SDS: variants seen among roughly 807,000 people sequenced by gnomAD.
SDS encodes L-serine dehydratase/L-threonine deaminase.
SDS carries 19 observed loss-of-function variants against 29.3 expected under a neutral mutation model. The observed-to-expected ratio is 0.65, with a 90% CI of 0.45 to 0.95. The LOEUF (loss-of-function observed/expected upper bound fraction) is 0.95. Among genes scored for constraint, SDS ranks in the 40% least tolerant of loss-of-function variants. The pLI is 0.00. For synonymous variants in SDS, 176 were observed against 189.0 expected (o/e 0.93, Z 0.56); for missense variants, 375 against 439.9 (o/e 0.85, Z 1.32).
chr12:113,402,756 C>G (rs1328892531), intron 1 of SDS, among the ~76,000 whole-genome samples: 1 of 152,178 alleles, frequency 6.6e-6, no homozygotes, highest in Non-Finnish European at 1.5e-5. Flanking sequence ...GGTAAAAGGA[C>G]AGGGCTCCCT....
rs776756863 is a variant in SDS at position 113,393,118 on chromosome 12, G to T, written c.810C>A (p.Cys270Ter). The T allele has an allele frequency of 1.2e-6, 2 of 1,613,866 alleles. No individual in the cohort carries two copies. The highest frequency in any genetic ancestry group is 1.7e-6 in the Non-Finnish European group (2 of 1,180,020). ...DDEKILVEPA[C>*]GAALAAVYSH... ...TATAGACAGCGGCCAGGGCTGCCCC[G>T]CAGGCGGGCTCCACCAGGATCTTCT... Residue 270 changes from cysteine (C) to a stop codon, truncating the protein, a stop_gained, in exon 8 of 8, where the codon TGC becomes TGA. Transcript: ENST00000257549. LOFTEE classifies it high-confidence loss of function.
rs1957619501 is a variant in SDS, at chr12:113,392,887, C to A, written c.*54G>T. On this transcript the variant is annotated 3_prime_UTR_variant, in exon 8 of 8. Coordinates refer to ENST00000257549, the MANE Select transcript of SDS (RefSeq NM_006843.3). ...GACGAGGCGCTGGATAAAACTCCAG[C>A]CCCTCCAGGGGTCTCTTGGGCTAGG... 5 of 1,535,704 alleles carry A rather than the reference C, an allele frequency of 3.3e-6. No homozygotes were observed. The highest frequency in any genetic ancestry group is 1.4e-5 in the African/African-American group (1 of 72,714).
At chr12:113,399,481 A>G (rs978738023) in intron 2 of SDS, 75 bp downstream of exon 2, 7 of 1,427,190 alleles carry the variant, frequency 4.9e-6, no homozygotes, top group Middle Eastern at 2.5e-4. Flanking sequence ...TTAATTTCAC[A>G]CAGCACTGGC....
chr12:113,399,331 G>T (rs1016068630), intron 2 of SDS, 180 bp from the exon 3 acceptor site: 1 of 858,520 alleles, frequency 1.2e-6, no homozygotes, highest in Non-Finnish European at 1.8e-6. Context: ...CTCAGGAAAG[G>T]GTGGAGGAAA....
At position 113,398,620 on chromosome 12, in the gene SDS, G is replaced by A; in HGVS notation, c.334-14C>T. On this transcript the variant is annotated splice_polypyrimidine_tract_variant and intron_variant, in intron 4 of 7. Coordinates refer to ENST00000257549, the MANE Select transcript of SDS (RefSeq NM_006843.3). ...TTCATCCAATAACTGCAAAGCCACA[G>A]GGGAGATAGGAGGGGGTGAGGCACA... 10 of 1,598,704 alleles carry A rather than the reference G, an allele frequency of 6.3e-6. No homozygotes were observed. The highest frequency in any genetic ancestry group is 7.7e-6 in the Non-Finnish European group (9 of 1,170,482).
Position 113,393,105 on chromosome 12 carries a change from C to T in SDS, c.823G>A (p.Ala275Thr), listed in dbSNP as rs755835830. ...TGGATCACGTGGCTATAGACAGCGG[C>T]CAGGGCTGCCCCGCAGGCGGGCTCC... ...LVEPACGAAL[A>T]AVYSHVIQKL... The change falls in exon 8 of 8, where the codon GCC (alanine) becomes ACC (threonine). Residue 275 changes from alanine (A) to threonine (T), a missense_variant. Transcript: ENST00000257549. 6.2e-7 allele frequency: 1 copy of T among 1,614,130 alleles called. No individual in the cohort carries two copies. Among genetic ancestry groups the T allele is most frequent in the Non-Finnish European group, 8.5e-7 (1 of 1,180,028 alleles).
intron 2 of SDS, 184 bp from the exon 3 acceptor site, chr12:113,399,335 G>A (rs548021448): frequency 3.5e-4 from 301 of 849,104 alleles, no homozygotes; most frequent in South Asian, 2.5e-3. Flanking sequence ...GGAAAGGGTG[G>A]AGGAAAATAG....
intron 6 of SDS, among the ~76,000 whole-genome samples, chr12:113,396,004 C>T (rs948173522): frequency 1.3e-5 from 2 of 152,154 alleles, no homozygotes; most frequent in African/African-American, 4.8e-5. Context: ...GAGGCTGAGG[C>T]AGGAGAATCG....
rs555743290 is a variant in SDS at position 113,396,274 on chromosome 12, A to C, written c.653+891T>G. On this transcript the variant is annotated intron_variant, in intron 6 of 7. Transcript: ENST00000257549. ...GTAATGAGGTATGTAAAACCTTGCCACAGAGGACTCAGTAAATGATTCCTA... is the reference window on the plus strand; with the variant it reads ...GTAATGAGGTATGTAAAACCTTGCCCCAGAGGACTCAGTAAATGATTCCTA... Among the ~76,000 whole-genome samples, 3 of 152,260 alleles carry C rather than the reference A, an allele frequency of 2.0e-5. No individual in the cohort carries two copies. In the East Asian group the frequency reaches 5.8e-4, roughly 29 times the overall value.
At chr12:113,400,502 ATG>A (rs1957678506) in intron 1 of SDS, among the ~76,000 whole-genome samples, 1 of 151,598 alleles carries the variant, frequency 6.6e-6, no homozygotes, top group Non-Finnish European at 1.5e-5. Flanking sequence ...CTATCTATCT[ATG>A]TGAAAAATTC....
At chr12:113,403,230 G>C (rs532206463) in intron 1 of SDS, among the ~76,000 whole-genome samples, 1 of 152,088 alleles carries the variant, frequency 6.6e-6, no homozygotes, top group Non-Finnish European at 1.5e-5. Context: ...GGGCTCCAGC[G>C]ATCCTCCCAA....
chr12:113,397,489 G>C (rs1043596925), intron 5 of SDS, 97 bp from the exon 6 acceptor site: 3 of 1,009,754 alleles, frequency 3.0e-6, no homozygotes, highest in Non-Finnish European at 4.4e-6. Context: ...ATGGGGCCTG[G>C]AGCTAGTTCC....
chr12:113,393,792 A>C, intron 7 of SDS, 100 bp downstream of exon 7: 1 of 1,509,906 alleles, frequency 6.6e-7, no homozygotes, highest in Non-Finnish European at 9.1e-7. Flanking sequence ...AGAACTGTGA[A>C]GGAAACTTGG....
At position 113,396,402 on chromosome 12, in the gene SDS, TTCTC is replaced by T. The variant is rs879404071; in HGVS notation, c.653+759_653+762del. Among the ~76,000 whole-genome samples the T allele has an allele frequency of 3.2e-4, 48 of 150,572 alleles. No homozygotes were observed. The East Asian group carries it at 3.8e-3, about 12-fold the overall frequency. The stretch of plus-strand genomic sequence containing the variant: ...TCTTTTTCTTTCTTTCTTCCTTTCT[TTCTC>T]TTTTTTCTTTCTTTCTCTCTTTCTT... On this transcript the variant is annotated intron_variant, in intron 6 of 7. Transcript: ENST00000257549.
In SDS at chr12:113,399,673, G is replaced by A. The variant is rs1197206038; in HGVS notation, c.36C>T (p.Pro12=). The A allele has an allele frequency of 4.4e-6, 7 of 1,597,752 alleles. No homozygotes were observed. Among genetic ancestry groups the A allele is most frequent in the Non-Finnish European group, 6.0e-6 (7 of 1,174,102 alleles). The change falls in exon 2 of 8, where the codon CCC becomes CCT. Residue 12 remains proline (P), a synonymous_variant. Transcript: ENST00000257549. The part of the protein sequence containing the change: ...MSGEPLHVKT[P]IRDSMALSKM... Reference sequence around the variant, plus strand: ...TGGACAGGGCCATGCTGTCACGGATGGGGGTCTTCACGTGCAGGGGTTCTC... The same window carrying A: ...TGGACAGGGCCATGCTGTCACGGATAGGGGTCTTCACGTGCAGGGGTTCTC...
Position 113,393,046 on chromosome 12 carries a change from C to T in SDS, c.882G>A (p.Pro294=), listed in dbSNP as rs941950137. The T allele has an allele frequency of 5.0e-6, 8 of 1,614,208 alleles. No homozygotes were observed. In the Admixed American group the frequency reaches 1.2e-4, roughly 24 times the overall value. Reference sequence around the variant, plus strand: ...AGACGATGACCACGAGGGATGGCAGCGGGGTTCGGAGATTCCCCTCCAGTT... The same window carrying T: ...AGACGATGACCACGAGGGATGGCAGTGGGGTTCGGAGATTCCCCTCCAGTT... ...KLQLEGNLRT[P]LPSLVVIVCG... Residue 294 remains proline, a synonymous_variant, in exon 8 of 8, where the codon CCG becomes CCA. Transcript: ENST00000257549.
chr12:113,399,713 G>A lies in SDS; in HGVS notation c.-2-3C>T. ...CAGGGGTTCTCCAGACATCATTCCTGGGAGAAAGGAAGGAAACCCAGAGGG... is the reference window on the plus strand; with the variant it reads ...CAGGGGTTCTCCAGACATCATTCCTAGGAGAAAGGAAGGAAACCCAGAGGG... On this transcript the variant is annotated splice_polypyrimidine_tract_variant and splice_region_variant and intron_variant, in intron 1 of 7. Transcript: ENST00000257549. 3 of 1,565,684 alleles carry A rather than the reference G, an allele frequency of 1.9e-6. No individual in the cohort carries two copies. The highest frequency in any genetic ancestry group is 2.6e-6 in the Non-Finnish European group (3 of 1,155,690).
At chr12:113,395,899 G>T (rs1957641050) in intron 6 of SDS, among the ~76,000 whole-genome samples, 1 of 152,158 alleles carries the variant, frequency 6.6e-6, no homozygotes, top group South Asian at 2.1e-4. Flanking sequence ...ATCACCTGAG[G>T]TGAGGAGTTC....
chr12:113,399,789 G>A (rs940683942), intron 1 of SDS, 79 bp from the exon 2 acceptor site: 127 of 1,344,744 alleles, frequency 9.4e-5, no homozygotes, highest in Middle Eastern at 2.7e-4. Context: ...CCCTTCCTTC[G>A]CTTCCCAGCA....
Sources: allele counts gnomAD v4.1 joint callset (sites outside exome capture counted in the v4.1 genomes callset), GRCh38; gene constraint gnomAD v4.1.1; transcripts MANE v1.5; gene names NCBI Gene and HGNC (gene_info 2026-07-23, HGNC 2026-07-21).